Variants in OXCT1 observed in about 807,000 individuals in gnomAD.
OXCT1 encodes the protein succinyl-CoA:3-ketoacid coenzyme A transferase 1, mitochondrial.
In OXCT1, 27 loss-of-function variants were observed where a neutral mutation model predicts 69.6. The observed-to-expected ratio is 0.39, with a 90% confidence interval of 0.29 to 0.54. The LOEUF (loss-of-function observed/expected upper bound fraction) is 0.54. OXCT1 is among the 20% of genes least tolerant of loss of function. The pLI is 0.72. For synonymous variants in OXCT1, 202 were observed against 217.8 expected (o/e 0.93, Z 0.64); for missense variants, 437 against 650.2 (o/e 0.67, Z 3.57).
intron 15 of OXCT1, among the ~76,000 whole-genome samples, chr5:41,742,283 A>AT (rs1264225762): frequency 3.3e-5 from 5 of 152,226 alleles, no homozygotes; most frequent in Non-Finnish European, 5.9e-5. Context: ...TAGTGATATA[A>AT]GGTGCAAACA....
chr5:41,824,415 T>G (rs959997043), intron 7 of OXCT1, among the ~76,000 whole-genome samples: 1 of 152,204 alleles, frequency 6.6e-6, no homozygotes, highest in African/African-American at 2.4e-5. Flanking sequence ...CTTAGCTGTA[T>G]AGAGTCTACT....
chr5:41,841,377 T>A (rs1369396564), intron 6 of OXCT1, among the ~76,000 whole-genome samples: 1 of 152,130 alleles, frequency 6.6e-6, no homozygotes, highest in African/African-American at 2.4e-5. Flanking sequence ...CTGGGTTAGA[T>A]CCCACCAGAC....
intron 7 of OXCT1, among the ~76,000 whole-genome samples, chr5:41,820,659 A>T (rs1016280151): frequency 6.6e-6 from 1 of 152,200 alleles, no homozygotes; most frequent in Non-Finnish European, 1.5e-5. Flanking sequence ...GTAATTAAAG[A>T]AAATCAAGCC....
chr5:41,762,088 T>C lies in OXCT1; in HGVS notation c.1338+23A>G, dbSNP rs895829772. The C allele has an allele frequency of 6.5e-6, 10 of 1,543,884 alleles. No homozygotes were observed. The highest frequency in any genetic ancestry group is 1.7e-5 in the Admixed American group (1 of 59,878). Reference sequence around the variant, plus strand: ...TATTGCAAATTTCCAAAAGCAGTATTTGGGGAGCACAGTACATGTTACCTT... The same window carrying C: ...TATTGCAAATTTCCAAAAGCAGTATCTGGGGAGCACAGTACATGTTACCTT... On this transcript the variant is annotated intron_variant, in intron 14 of 16. Coordinates refer to ENST00000196371, the MANE Select transcript of OXCT1 (RefSeq NM_000436.4). The surrounding 1 kb of genome is among the most constrained non-coding windows in gnomAD (Gnocchi z 4.0).
In OXCT1 at chr5:41,745,445, AG is replaced by A. The variant is rs753913856; in HGVS notation, c.1419+4081del. 5.1e-4 allele frequency among the ~76,000 whole-genome samples: 78 copies of A among 152,222 alleles called. 1 individual carries two copies. Among genetic ancestry groups the A allele is most frequent in the Non-Finnish European group, 2.5e-4 (17 of 68,042 alleles). On this transcript the variant is annotated intron_variant, in intron 15 of 16. Transcript: ENST00000196371. ...ATAGCACTAAATGCCCACAAGAGAA[AG>A]CAGGAAAGATCTAAAATTGACATCC...
intron 10 of OXCT1, among the ~76,000 whole-genome samples, chr5:41,802,232 C>G (rs550560740): frequency 1.5e-4 from 23 of 152,042 alleles, no homozygotes; most frequent in Non-Finnish European, 2.8e-4. Flanking sequence ...ATCAACTATA[C>G]GCTCAGGATC....
In OXCT1 at chr5:41,770,091, C is replaced by T. The variant is rs7726246; in HGVS notation, c.1249-7891G>A. Among the ~76,000 whole-genome samples, 213 of 152,338 alleles carry T rather than the reference C, an allele frequency of 1.4e-3. 1 individual carries two copies. The highest frequency in any genetic ancestry group is 5.0e-3 in the African/African-American group (207 of 41,586). ...CATTAGACTATGAGCCCTTTGCCTT[C>T]CCTGTTCACCTTCAACCCAGTGCAG... is the stretch of plus-strand genomic sequence containing the variant. On this transcript the variant is annotated intron_variant, in intron 13 of 16. Coordinates refer to ENST00000196371, the MANE Select transcript of OXCT1 (RefSeq NM_000436.4).
intron 4 of OXCT1, 103 bp downstream of exon 4, chr5:41,853,316 C>T: frequency 9.9e-7 from 1 of 1,012,210 alleles, no homozygotes; most frequent in South Asian, 1.3e-5. Context: ...TGGCAAAGTA[C>T]TATTCCTTCT....
At chr5:41,811,463 A>C (rs1346271033) in intron 7 of OXCT1, among the ~76,000 whole-genome samples, 2 of 152,198 alleles carry the variant, frequency 1.3e-5, no homozygotes, top group Non-Finnish European at 2.9e-5. Context: ...TTTTTAAACA[A>C]GAGGCAATGT....
At position 41,763,148 on chromosome 5, in the gene OXCT1, G is replaced by A. The variant is rs1437092917; in HGVS notation, c.1249-948C>T. 2.0e-5 allele frequency among the ~76,000 whole-genome samples: 3 copies of A among 152,180 alleles called. No individual in the cohort carries two copies. In the East Asian group the frequency reaches 5.8e-4, roughly 29 times the overall value. On this transcript the variant is annotated intron_variant, in intron 13 of 16. Transcript: ENST00000196371. ...GAGATCAAGAAATGCACACAACATG[G>A]CTTTAAAACACGGTCTCGAATTCCA...
chr5:41,805,751 AT>A, intron 8 of OXCT1, 70 bp from the exon 9 acceptor site: 1 of 1,002,160 alleles, frequency 1.0e-6, no homozygotes, highest in Non-Finnish European at 1.6e-6. Flanking sequence ...GCTGAAATAA[AT>A]TTTACTGGAA....
intron 7 of OXCT1, 81 bp downstream of exon 7, chr5:41,840,370 G>A: frequency 9.8e-7 from 1 of 1,023,052 alleles, no homozygotes; most frequent in Non-Finnish European, 1.5e-6. Context: ...TAAAACAAAT[G>A]AACTGTGGTA....
chr5:41,777,929 A>G (rs1745205608), intron 13 of OXCT1, among the ~76,000 whole-genome samples: 1 of 152,236 alleles, frequency 6.6e-6, no homozygotes, highest in African/African-American at 2.4e-5. Context: ...GCCTTTTAAT[A>G]CAGCCATTTT....
chr5:41,765,756 T>C (rs1744568692), intron 13 of OXCT1, among the ~76,000 whole-genome samples: 1 of 152,082 alleles, frequency 6.6e-6, no homozygotes, highest in East Asian at 1.9e-4. Context: ...TAAAACATGA[T>C]TGCTGAGTGA....
intron 13 of OXCT1, among the ~76,000 whole-genome samples, chr5:41,789,785 C>T (rs1328855794): frequency 6.6e-6 from 1 of 152,196 alleles, no homozygotes; most frequent in African/African-American, 2.4e-5. Flanking sequence ...TATTTCCTCA[C>T]CTATGTCATA....
intron 8 of OXCT1, among the ~76,000 whole-genome samples, chr5:41,806,007 G>T (rs1468287700): frequency 6.6e-6 from 1 of 152,008 alleles, no homozygotes; most frequent in Admixed American, 6.6e-5. Context: ...TCAGGGATTG[G>T]CCAGAAGAAT....
At position 41,817,235 on chromosome 5, in the gene OXCT1, A is replaced by T. The variant is rs533412211; in HGVS notation, c.733-9797T>A. Among the ~76,000 whole-genome samples, 15 of 151,878 alleles carry T rather than the reference A, an allele frequency of 9.9e-5. No homozygotes were observed. The South Asian group carries it at 3.1e-3, about 32-fold the overall frequency. On this transcript the variant is annotated intron_variant, in intron 7 of 16. Coordinates refer to ENST00000196371, the MANE Select transcript of OXCT1 (RefSeq NM_000436.4). Reference sequence around the variant, plus strand: ...ATTTCACTGAGCCTTCCTATAGTTAAAAAAAAAGACAGTATGATATAAAGA... The same window carrying T: ...ATTTCACTGAGCCTTCCTATAGTTATAAAAAAAGACAGTATGATATAAAGA...
At chr5:41,804,186 A>G (rs1396763376) in intron 9 of OXCT1, among the ~76,000 whole-genome samples, 1 of 152,140 alleles carries the variant, frequency 6.6e-6, no homozygotes, top group Non-Finnish European at 1.5e-5. Flanking sequence ...GTTCTATCAC[A>G]GTCTAGTATA....
At chr5:41,810,991 G>C (rs948491806) in intron 7 of OXCT1, among the ~76,000 whole-genome samples, 3 of 149,848 alleles carry the variant, frequency 2.0e-5, no homozygotes, top group Non-Finnish European at 4.4e-5. Flanking sequence ...AGTTTAGGAG[G>C]AAACTTCTTT....
Sources: gnomAD v4.1 joint callset for allele counts (sites outside exome capture counted in the v4.1 genomes callset) on GRCh38, gnomAD v4.1.1 for gene constraint, Gnocchi (gnomAD v3.1) non-coding constraint, MANE v1.5 for transcripts, NCBI Gene and HGNC (gene_info 2026-07-23, HGNC 2026-07-21) for gene names.